NAA50: variants seen among roughly 807,000 people sequenced by gnomAD.
NAA50 encodes the protein N-alpha-acetyltransferase 50.
A neutral mutation model predicts 20.7 loss-of-function variants in NAA50; 7 were observed. The ratio of observed to expected loss-of-function variants is 0.34; its 90% CI spans 0.19 to 0.63. The LOEUF (loss-of-function observed/expected upper bound fraction) is 0.63, where lower values mean the gene tolerates loss of function less well. Ranked by LOEUF, NAA50 falls within the 30% of genes least tolerant of loss-of-function variation. The pLI, the probability that NAA50 is intolerant of heterozygous loss-of-function variation, is 0.75. For synonymous variants in NAA50, 54 were observed against 70.6 expected, an observed-to-expected ratio of 0.77 and a Z score of 1.18; for missense variants, 111 against 199.1, an observed-to-expected ratio of 0.56 and a Z score of 2.66.
Position 113,717,988 on chromosome 3 carries a change from C to T in NAA50, c.*3772G>A, listed in dbSNP as rs1708081602. ...AGTATTCACATCCTTGTGCAGTCCC[C>T]TCCCACACTATACCAAGCTGATTCA... On this transcript the variant is annotated 3_prime_UTR_variant, in exon 5 of 5. Transcript: ENST00000240922. 2 of 152,330 alleles carry T rather than the reference C, an allele frequency of 1.3e-5. No individual in the cohort carries two copies. Among genetic ancestry groups the T allele is most frequent in the Non-Finnish European group, 1.5e-5 (1 of 68,184 alleles). 9.4% of individuals were successfully genotyped at this position (152,330 alleles called of 1,614,324 possible). A position where few individuals can be genotyped will look rare whatever the true frequency, so the allele number is the denominator to read the frequency against.
chr3:113,739,514 C>T (rs889284980), intron 1 of NAA50: 4 of 152,292 alleles, frequency 2.6e-5, no homozygotes, highest in African/African-American at 9.6e-5. Flanking sequence ...CAAGCATTCA[C>T]TACAGCACTA....
intron 1 of NAA50, among the ~76,000 whole-genome samples, chr3:113,725,955 CCT>C (rs1257106557): frequency 2.0e-5 from 3 of 152,076 alleles, no homozygotes; most frequent in African/African-American, 7.2e-5. Flanking sequence ...ACTTTTACCC[CCT>C]ATTTAAGTAG....
intron 1 of NAA50, among the ~76,000 whole-genome samples, chr3:113,738,659 G>T (rs150229965): frequency 1.3e-5 from 2 of 152,154 alleles, no homozygotes; most frequent in Admixed American, 6.5e-5. Context: ...CCTACTGCTA[G>T]CTATCATTTG....
intron 1 of NAA50, among the ~76,000 whole-genome samples, chr3:113,727,389 G>T (rs966244426): frequency 3.3e-5 from 5 of 152,228 alleles, no homozygotes; most frequent in African/African-American, 1.2e-4. Flanking sequence ...ATCATTTGTA[G>T]GTAGTAACTA....
At chr3:113,735,475 T>C (rs866076517) in intron 1 of NAA50, among the ~76,000 whole-genome samples, 7 of 152,236 alleles carry the variant, frequency 4.6e-5, no homozygotes, top group Non-Finnish European at 7.3e-5. Context: ...AGGATGGGCA[T>C]AGAGAACGGG....
chr3:113,736,813 C>A (rs1002742074), intron 1 of NAA50, among the ~76,000 whole-genome samples: 4 of 152,106 alleles, frequency 2.6e-5, no homozygotes, highest in African/African-American at 9.7e-5. Context: ...CACCACATCA[C>A]CACACCAGGC....
chr3:113,745,889 G>A (rs548290340), intron 1 of NAA50, 53 bp downstream of exon 1: 3 of 1,593,924 alleles, frequency 1.9e-6, no homozygotes, highest in East Asian at 4.6e-5. Flanking sequence ...CTCTACATGG[G>A]CCCGGACCCT....
chr3:113,731,800 T>C (rs1235281707), intron 1 of NAA50, among the ~76,000 whole-genome samples: 1 of 152,228 alleles, frequency 6.6e-6, no homozygotes, highest in Non-Finnish European at 1.5e-5. Flanking sequence ...AGCAGTCTGA[T>C]CTTTTTATTG....
At chr3:113,737,134 A>G (rs1291057475) in intron 1 of NAA50, among the ~76,000 whole-genome samples, 1 of 152,190 alleles carries the variant, frequency 6.6e-6, no homozygotes, top group Non-Finnish European at 1.5e-5. Flanking sequence ...AATTTCTGTC[A>G]AAGGAATGAC....
chr3:113,737,227 C>T (rs751356566), intron 1 of NAA50, among the ~76,000 whole-genome samples: 3 of 152,168 alleles, frequency 2.0e-5, no homozygotes, highest in Non-Finnish European at 2.9e-5. Context: ...GATAAAGGTG[C>T]ATTTGCATAA....
Position 113,733,853 on chromosome 3 carries a change from C to CAAAAAAAA in NAA50, c.9-9766_9-9759dup, listed in dbSNP as rs58431115. Among the ~76,000 whole-genome samples, 105 of 68,486 alleles carry CAAAAAAAA rather than the reference C, an allele frequency of 1.5e-3. No individual in the cohort carries two copies. The South Asian group carries it at 0.017, about 11-fold the overall frequency. 44.9% of individuals were successfully genotyped at this position (68,486 alleles called of 152,430 possible). On this transcript the variant is annotated intron_variant, in intron 1 of 4. Coordinates refer to ENST00000240922, the MANE Select transcript of NAA50 (RefSeq NM_025146.4). ...GGGTGACAGAGCAAGACTCTGTCTC[C>CAAAAAAAA]AAAAAAAAAAAAAAAAAAAAAAAGA...
chr3:113,723,055 CTTA>C, intron 3 of NAA50, 83 bp from the exon 4 acceptor site: 1 of 1,413,726 alleles, frequency 7.1e-7, no homozygotes, highest in South Asian at 1.5e-5. Context: ...ATCTGAACTA[CTTA>C]TTGAGTCCTA....
In NAA50 at chr3:113,719,676, C is replaced by T. The variant is rs1708108896; in HGVS notation, c.*2084G>A. The T allele has an allele frequency of 2.6e-5, 4 of 152,672 alleles. No homozygotes were observed. Among genetic ancestry groups the T allele is most frequent in the South Asian group, 2.1e-4 (1 of 4,826 alleles). The allele number at this position is 152,672 out of a possible 1,614,324, so 9.5% of individuals were successfully genotyped here. On this transcript the variant is annotated 3_prime_UTR_variant, in exon 5 of 5. Transcript: ENST00000240922. The stretch of plus-strand genomic sequence containing the variant: ...TATATATAATGATAGGGAGCCTACA[C>T]ACTCAATTCAAAATTTAATATTTTT...
At chr3:113,727,188 G>A (rs919452167) in intron 1 of NAA50, among the ~76,000 whole-genome samples, 15 of 152,206 alleles carry the variant, frequency 9.9e-5, no homozygotes, top group Non-Finnish European at 1.8e-4. Context: ...CAAGTTGGGT[G>A]TAGTAATTTT....
Position 113,717,963 on chromosome 3 carries a change from A to T in NAA50, c.*3797T>A, listed in dbSNP as rs993897482. ...GAGGGCCCAATGATATCCACCTCCC[A>T]GTATTCACATCCTTGTGCAGTCCCC... On this transcript the variant is annotated 3_prime_UTR_variant, in exon 5 of 5. Coordinates refer to ENST00000240922, the MANE Select transcript of NAA50 (RefSeq NM_025146.4). The T allele has an allele frequency of 6.6e-6, 1 of 152,384 alleles. No individual in the cohort carries two copies. The highest frequency in any genetic ancestry group is 2.4e-5 in the African/African-American group (1 of 41,432). 9.4% of individuals were successfully genotyped at this position (152,384 alleles called of 1,614,324 possible).
intron 1 of NAA50, among the ~76,000 whole-genome samples, chr3:113,737,169 A>T (rs1028782437): frequency 1.3e-5 from 2 of 152,148 alleles, no homozygotes; most frequent in Non-Finnish European, 2.9e-5. Context: ...GTCACTTTTT[A>T]AAAAAAGGGA....
At chr3:113,729,797 A>G (rs1708248704) in intron 1 of NAA50, among the ~76,000 whole-genome samples, 1 of 152,010 alleles carries the variant, frequency 6.6e-6, no homozygotes, top group African/African-American at 2.4e-5. Context: ...AACTCAAGCA[A>G]TCCACCTGCC....
intron 1 of NAA50, among the ~76,000 whole-genome samples, chr3:113,730,485 A>T (rs1313838057): frequency 6.6e-6 from 1 of 152,192 alleles, no homozygotes; most frequent in Non-Finnish European, 1.5e-5. Flanking sequence ...AAGCTTACAT[A>T]AAATTAAATT....
At position 113,719,634 on chromosome 3, in the gene NAA50, C is replaced by T. The variant is rs931993797; in HGVS notation, c.*2126G>A. 1.3e-4 allele frequency: 20 copies of T among 152,472 alleles called. No homozygotes were observed. Among genetic ancestry groups the T allele is most frequent in the African/African-American group, 3.9e-4 (16 of 41,550 alleles). The allele number at this position is 152,472 out of a possible 1,614,324, so 9.4% of individuals were successfully genotyped here. A position where few individuals can be genotyped will look rare whatever the true frequency, so the allele number is the denominator to read the frequency against. ...CAATTCAGGTTAAGTCACTGACTAC[C>T]GTGGAAAAAGAAACTCTATATATAA... On this transcript the variant is annotated 3_prime_UTR_variant, in exon 5 of 5. Coordinates refer to ENST00000240922, the MANE Select transcript of NAA50 (RefSeq NM_025146.4).
Sources: gnomAD v4.1 joint callset for allele counts (sites outside exome capture counted in the v4.1 genomes callset) on GRCh38, gnomAD v4.1.1 for gene constraint, MANE v1.5 for transcripts, NCBI Gene and HGNC (gene_info 2026-07-23, HGNC 2026-07-21) for gene names.